The following NBAS variants were observed in gnomAD, a reference collection of about 807,000 sequenced individuals.
The protein encoded by NBAS is NAG/BC035112 fusion.
Under a neutral mutation model 302.5 loss-of-function variants are expected in NBAS, and 219 were observed. That is an observed-to-expected ratio of 0.72 (90% CI 0.65 to 0.81). The LOEUF is 0.81. Ranked by LOEUF, NBAS falls within the 30% of genes least tolerant of loss-of-function variation. The pLI, the probability that NBAS is intolerant of heterozygous loss-of-function variation, is 0.00. For missense variants in NBAS, 2,932 were observed against 2,841.6 expected (o/e 1.03, Z -0.72); for synonymous variants, 1,118 against 1,021.6 (o/e 1.09, Z -1.80).
At chr2:15,468,177 C>A (rs1355080232) in intron 17 of NBAS, among the ~76,000 whole-genome samples, 2 of 152,142 alleles carry the variant, frequency 1.3e-5, no homozygotes, top group African/African-American at 4.8e-5. Context: ...TTATTTACTT[C>A]TCAGATATAC....
intron 38 of NBAS, among the ~76,000 whole-genome samples, chr2:15,313,144 C>T (rs968625152): frequency 1.3e-5 from 2 of 152,168 alleles, no homozygotes; most frequent in Admixed American, 6.5e-5. Flanking sequence ...TAAATATGGG[C>T]CAACTTTAAT....
chr2:15,015,795 T>C, the NBAS span, among the ~76,000 whole-genome samples: 1 of 152,006 alleles, frequency 6.6e-6, no homozygotes, highest in African/African-American at 2.4e-5. Context: ...CCAGAGGAAT[T>C]AGACAACGAA....
the NBAS span, among the ~76,000 whole-genome samples, chr2:15,116,085 G>A: frequency 1.3e-5 from 2 of 152,182 alleles, no homozygotes; most frequent in African/African-American, 4.8e-5. Context: ...GAGTTGCAAG[G>A]AGGGGCTGGT....
At chr2:15,539,429 A>T in intron 6 of NBAS, 73 bp from the exon 7 acceptor site, 1 of 1,542,402 alleles carries the variant, frequency 6.5e-7, no homozygotes, top group Non-Finnish European at 9.0e-7. Context: ...AGTAACTGCA[A>T]CTAAAGTAAG....
At chr2:15,237,860 C>T (rs1016751418) in intron 45 of NBAS, among the ~76,000 whole-genome samples, 11 of 151,182 alleles carry the variant, frequency 7.3e-5, no homozygotes, top group Admixed American at 4.0e-4. Flanking sequence ...CTGCAAACTC[C>T]GCCTCCCGGG....
At chr2:14,815,494 A>G in the NBAS span, among the ~76,000 whole-genome samples, 1 of 152,238 alleles carries the variant, frequency 6.6e-6, no homozygotes, top group East Asian at 1.9e-4. Context: ...TGTGTCAACA[A>G]TGAATAAGAT....
chr2:15,484,192 G>A (rs115049119), intron 12 of NBAS, among the ~76,000 whole-genome samples: 2,430 of 152,238 alleles, frequency 0.016, 35 homozygotes, highest in Admixed American at 0.047. Flanking sequence ...TGAACTGCGT[G>A]ACTCCAGGGG....
chr2:15,389,917 G>A (rs2148399893), intron 28 of NBAS, among the ~76,000 whole-genome samples: 1 of 152,270 alleles, frequency 6.6e-6, no homozygotes, highest in African/African-American at 2.4e-5. Flanking sequence ...ATCAATCTAA[G>A]CAGAGACTTC....
At chr2:15,484,329 G>A (rs1323421753) in intron 12 of NBAS, among the ~76,000 whole-genome samples, 1 of 152,074 alleles carries the variant, frequency 6.6e-6, no homozygotes, top group Non-Finnish European at 1.5e-5. Context: ...TAGATATTCT[G>A]AAAAAAGGCT....
chr2:15,026,969 A>T, the NBAS span, among the ~76,000 whole-genome samples: 1 of 152,096 alleles, frequency 6.6e-6, no homozygotes, highest in Non-Finnish European at 1.5e-5. Flanking sequence ...TTATTTTTCC[A>T]TTCATAAACT....
At chr2:14,897,947 T>C in the NBAS span, among the ~76,000 whole-genome samples, 1 of 152,150 alleles carries the variant, frequency 6.6e-6, no homozygotes, top group African/African-American at 2.4e-5. Context: ...TTGGACACTT[T>C]CCTGGCTGGG....
chr2:15,102,204 G>C, the NBAS span, among the ~76,000 whole-genome samples: 9 of 152,188 alleles, frequency 5.9e-5, no homozygotes, highest in African/African-American at 2.2e-4. Context: ...AATCATGAGA[G>C]AAGACGCAAG....
At chr2:15,301,561 G>A (rs536219759) in intron 40 of NBAS, among the ~76,000 whole-genome samples, 2 of 152,338 alleles carry the variant, frequency 1.3e-5, no homozygotes, top group South Asian at 4.1e-4. Context: ...TGGAGACAGC[G>A]CCAGATCTGA....
Position 15,190,375 on chromosome 2 carries a change from T to C in NBAS, c.6461A>G (p.Glu2154Gly). ...TTCCATGAATAGACAGTAGCGGTTC[T>C]CTTCATTCTCAATGTCAGCTATGTC... ...QVDIADIENE[E>G]NRYCLFMELL... Residue 2154 changes from glutamate to glycine, a missense_variant, in exon 49 of 52, where the codon GAG becomes GGG. Physicochemically the swap from Glu to Gly is moderately conservative, Grantham distance 98 (BLOSUM62 -2). Coordinates refer to ENST00000281513, the MANE Select transcript of NBAS (RefSeq NM_015909.4). 6.2e-7 allele frequency: 1 copy of C among 1,614,022 alleles called. No individual in the cohort carries two copies.
At chr2:15,525,464 A>C (rs969347308) in intron 9 of NBAS, among the ~76,000 whole-genome samples, 8 of 152,192 alleles carry the variant, frequency 5.3e-5, no homozygotes, top group African/African-American at 1.4e-4. Flanking sequence ...CTGTCTCCTA[A>C]TCTGGTACAC....
At chr2:15,074,161 A>T in the NBAS span, among the ~76,000 whole-genome samples, 1 of 152,236 alleles carries the variant, frequency 6.6e-6, no homozygotes. Context: ...AGTCCATATG[A>T]AAATTTAAGC....
the NBAS span, among the ~76,000 whole-genome samples, chr2:15,048,292 C>T: frequency 6.6e-6 from 1 of 152,344 alleles, no homozygotes; most frequent in East Asian, 1.9e-4. Flanking sequence ...GTGCCGGATG[C>T]TCTTTCTCTC....
chr2:15,415,604 G>A lies in NBAS; in HGVS notation c.2879C>T (p.Thr960Ile). Residue 960 changes from threonine (T) to isoleucine (I), a missense_variant, in exon 25 of 52, where the codon ACT becomes ATT. Physicochemically the swap from Thr to Ile is moderately conservative, Grantham distance 89. Transcript: ENST00000281513. The stretch of plus-strand genomic sequence containing the variant: ...AAATTTTAAGTCCCCTTTAGCTAAA[G>A]TTACTAAATATTCTTTTAATAGCTC... ...ANELLKEYLV[T>I]LAKGDLKFPL... 1 of 1,614,026 alleles carries A rather than the reference G, an allele frequency of 6.2e-7. No individual in the cohort carries two copies. Among genetic ancestry groups the A allele is most frequent in the Non-Finnish European group, 8.5e-7 (1 of 1,179,952 alleles).
At chr2:15,509,320 C>T (rs1054727653) in intron 10 of NBAS, among the ~76,000 whole-genome samples, 1 of 151,988 alleles carries the variant, frequency 6.6e-6, no homozygotes, top group African/African-American at 2.4e-5. Flanking sequence ...TGAAATGTGG[C>T]CAATAATACA....
Sources: allele counts gnomAD v4.1 joint callset (sites outside exome capture counted in the v4.1 genomes callset), GRCh38; gene constraint gnomAD v4.1.1; transcripts MANE v1.5; gene names NCBI Gene and HGNC (gene_info 2026-07-23, HGNC 2026-07-21).